The following SGCZ variants were observed in gnomAD, a reference collection of about 807,000 sequenced individuals.
SGCZ encodes the protein zeta-sarcoglycan.
SGCZ carries 40 observed loss-of-function variants against 41.3 expected under a neutral mutation model. The observed-to-expected ratio is 0.97, with a 90% CI of 0.75 to 1.26. SGCZ has a LOEUF of 1.26. Ranked by LOEUF, SGCZ falls within the 50% of genes most tolerant of loss-of-function variation. The pLI, the probability that SGCZ is intolerant of heterozygous loss-of-function variation, is 0.00. For missense variants in SGCZ, 552 were observed against 369.8 expected (o/e 1.49, Z -4.04); for synonymous variants, 206 against 137.5 (o/e 1.50, Z -3.49).
intron 5 of SGCZ, among the ~76,000 whole-genome samples, chr8:14,131,862 G>A (rs1803050978): frequency 6.6e-6 from 1 of 152,078 alleles, no homozygotes; most frequent in Non-Finnish European, 1.5e-5. Flanking sequence ...TCAATACAGT[G>A]ACATGCTGTA....
rs530512889 is a variant in SGCZ, at chr8:14,702,115, T to C, written c.40-147189A>G. Among the ~76,000 whole-genome samples, 28 of 152,036 alleles carry C rather than the reference T, an allele frequency of 1.8e-4. No homozygotes were observed. The East Asian group carries it at 5.0e-3, about 27-fold the overall frequency. On this transcript the variant is annotated intron_variant, in intron 1 of 7. Transcript: ENST00000382080. ...TGTTCCTGACAATCCCCCGCCATTT[T>C]CAAATTCAGGGATAAATGCTCAGTG...
chr8:14,600,457 G>T (rs1805554583), intron 1 of SGCZ, among the ~76,000 whole-genome samples: 1 of 152,150 alleles, frequency 6.6e-6, no homozygotes, highest in South Asian at 2.1e-4. Context: ...GAGGGGAGAG[G>T]ACTGGAATCT....
chr8:15,140,281 T>A (rs113304466), intron 1 of SGCZ, among the ~76,000 whole-genome samples: 6,791 of 152,174 alleles, frequency 0.045, 494 homozygotes, highest in African/African-American at 0.16. Flanking sequence ...CACATTGGCC[T>A]CCCAAAGTGC....
intron 2 of SGCZ, among the ~76,000 whole-genome samples, chr8:14,428,858 C>T (rs890418518): frequency 1.3e-5 from 2 of 152,176 alleles, no homozygotes; most frequent in Non-Finnish European, 2.9e-5. Flanking sequence ...TTTCAAGATT[C>T]TACATGTTCA....
chr8:14,310,071 G>T (rs886630804), intron 3 of SGCZ, among the ~76,000 whole-genome samples: 1 of 152,086 alleles, frequency 6.6e-6, no homozygotes, highest in Non-Finnish European at 1.5e-5. Flanking sequence ...ATTGTATGCA[G>T]GAGCATATTT....
intron 1 of SGCZ, among the ~76,000 whole-genome samples, chr8:15,001,703 T>C (rs936220933): frequency 4.3e-5 from 5 of 116,984 alleles, no homozygotes; most frequent in African/African-American, 1.7e-4. Context: ...CACTCCAGCC[T>C]GGGCAAAAGA....
chr8:14,818,914 C>T (rs1801985689), intron 1 of SGCZ, among the ~76,000 whole-genome samples: 2 of 151,586 alleles, frequency 1.3e-5, no homozygotes, highest in South Asian at 2.1e-4. Context: ...TATAGAATAC[C>T]ACTAAACAAA....
At chr8:14,237,042 GCAGATA>G (rs1806788468) in intron 4 of SGCZ, among the ~76,000 whole-genome samples, 1 of 151,830 alleles carries the variant, frequency 6.6e-6, no homozygotes, top group Admixed American at 6.6e-5. Context: ...ATTTATATAA[GCAGATA>G]CAATTTATTA....
intron 1 of SGCZ, among the ~76,000 whole-genome samples, chr8:15,181,641 A>G (rs2117088415): frequency 6.6e-6 from 1 of 152,292 alleles, no homozygotes; most frequent in South Asian, 2.1e-4. Flanking sequence ...ATTGCAGTGA[A>G]CATTTTGATA....
chr8:14,435,837 C>A (rs985697908), intron 2 of SGCZ, among the ~76,000 whole-genome samples: 3 of 152,168 alleles, frequency 2.0e-5, no homozygotes, highest in African/African-American at 7.2e-5. Flanking sequence ...ACAGGGCTAG[C>A]CCATGCTCTA....
chr8:14,420,177 A>G (rs896330292), intron 2 of SGCZ, among the ~76,000 whole-genome samples: 4 of 151,966 alleles, frequency 2.6e-5, no homozygotes, highest in African/African-American at 9.7e-5. Flanking sequence ...TTTTTACCCT[A>G]TATTACCCAG....
chr8:14,094,474 T>C (rs1258235581), intron 7 of SGCZ, among the ~76,000 whole-genome samples: 1 of 152,140 alleles, frequency 6.6e-6, no homozygotes, highest in Non-Finnish European at 1.5e-5. Flanking sequence ...ACTCATCCTT[T>C]TTATGACTGC....
chr8:15,020,624 G>A (rs1054430474), intron 1 of SGCZ, among the ~76,000 whole-genome samples: 10 of 152,082 alleles, frequency 6.6e-5, no homozygotes, highest in Non-Finnish European at 1.0e-4. Flanking sequence ...TGCAGGAAGG[G>A]ACAATATTAA....
chr8:14,740,244 A>T (rs2130275755), intron 1 of SGCZ, among the ~76,000 whole-genome samples: 1 of 152,138 alleles, frequency 6.6e-6, no homozygotes. Flanking sequence ...TAAAGAGCTT[A>T]CCTTTTTAAC....
intron 2 of SGCZ, among the ~76,000 whole-genome samples, chr8:14,537,389 C>G (rs896584072): frequency 6.6e-6 from 1 of 151,834 alleles, no homozygotes; most frequent in Admixed American, 6.6e-5. Flanking sequence ...TGTGGGGACT[C>G]TCTACAAGGC....
At chr8:14,747,159 G>A (rs772647662) in intron 1 of SGCZ, among the ~76,000 whole-genome samples, 5 of 152,180 alleles carry the variant, frequency 3.3e-5, no homozygotes, top group Non-Finnish European at 7.3e-5. Flanking sequence ...TACTCCACTT[G>A]GGAGCCACTC....
chr8:14,405,353 T>C (rs967210975), intron 2 of SGCZ, among the ~76,000 whole-genome samples: 11 of 144,732 alleles, frequency 7.6e-5, no homozygotes, highest in African/African-American at 2.7e-4. Flanking sequence ...TTCCCCACTA[T>C]TATTTTTTCT....
intron 1 of SGCZ, among the ~76,000 whole-genome samples, chr8:14,821,217 A>G (rs745867837): frequency 6.6e-6 from 1 of 152,058 alleles, no homozygotes; most frequent in Non-Finnish European, 1.5e-5. Context: ...TTGATAGCAC[A>G]GAAGAATCAG....
intron 4 of SGCZ, among the ~76,000 whole-genome samples, chr8:14,210,171 C>T (rs1029336194): frequency 6.6e-6 from 1 of 152,282 alleles, no homozygotes; most frequent in South Asian, 2.1e-4. Context: ...AATTCTCCTG[C>T]CTCAGCCTCC....
Sources: gnomAD v4.1 joint callset for allele counts (sites outside exome capture counted in the v4.1 genomes callset) on GRCh38, gnomAD v4.1.1 for gene constraint, MANE v1.5 for transcripts, NCBI Gene and HGNC (gene_info 2026-07-23, HGNC 2026-07-21) for gene names.